LOXL2: variants seen among roughly 807,000 people sequenced by gnomAD.
The protein encoded by LOXL2 is lysyl oxidase homolog 2.
LOXL2 carries 70 observed loss-of-function variants against 93.0 expected under a neutral mutation model. That is an observed-to-expected ratio of 0.75 (90% CI 0.62 to 0.92). The LOEUF (loss-of-function observed/expected upper bound fraction) is 0.92, where lower values mean the gene tolerates loss of function less well. Among genes scored for constraint, LOXL2 ranks in the 40% least tolerant of loss-of-function variants. The pLI, the probability that LOXL2 is intolerant of heterozygous loss-of-function variation, is 0.00. For synonymous variants in LOXL2, 438 were observed against 413.2 expected (o/e 1.06, Z -0.73); for missense variants, 973 against 1,054.9 (o/e 0.92, Z 1.08).
chr8:23,384,845 C>T (rs1804734516), intron 1 of LOXL2, among the ~76,000 whole-genome samples: 1 of 151,952 alleles, frequency 6.6e-6, no homozygotes. Flanking sequence ...ACCCAGGAGG[C>T]AGAGGTTGCA....
chr8:23,355,609 CTTT>C (rs1347524759), intron 3 of LOXL2, among the ~76,000 whole-genome samples: 7 of 82,228 alleles, frequency 8.5e-5, no homozygotes, highest in Admixed American at 3.2e-4. Context: ...AAGATTTGTT[CTTT>C]TTTTTTTTTT....
intron 4 of LOXL2, among the ~76,000 whole-genome samples, chr8:23,334,506 G>A (rs148754046): frequency 6.6e-6 from 1 of 152,328 alleles, no homozygotes; most frequent in African/African-American, 2.4e-5. Context: ...CCTAGCAATA[G>A]AAATTATAAT....
intron 3 of LOXL2, among the ~76,000 whole-genome samples, chr8:23,343,016 G>T (rs1803909206): frequency 6.6e-6 from 1 of 152,170 alleles, no homozygotes; most frequent in Non-Finnish European, 1.5e-5. Context: ...CTCCCAAAGT[G>T]CTGGAATTAC....
In LOXL2 at chr8:23,360,223, G is replaced by A. The variant is rs375227524; in HGVS notation, c.398C>T (p.Ala133Val). 74 of 1,613,702 alleles carry A rather than the reference G, an allele frequency of 4.6e-5. No individual in the cohort carries two copies. The highest frequency in any genetic ancestry group is 5.5e-5 in the Non-Finnish European group (65 of 1,179,840). Reference protein sequence around the residue: ...LDNLHCTGNEATLAACTSNGW... With the variant: ...LDNLHCTGNEVTLAACTSNGW... ...ATTGGAGGTGCATGCTGCAAGGGTCGCCTCGTTGCCAGTACAGTGGAGATT... is the reference window on the plus strand; with the variant it reads ...ATTGGAGGTGCATGCTGCAAGGGTCACCTCGTTGCCAGTACAGTGGAGATT... The change falls in exon 3 of 14, where the codon GCG becomes GTG. Residue 133 changes from alanine (A) to valine (V), a missense_variant. Coordinates refer to ENST00000389131, the MANE Select transcript of LOXL2 (RefSeq NM_002318.3).
intron 8 of LOXL2, among the ~76,000 whole-genome samples, chr8:23,318,214 G>C (rs1461544340): frequency 6.6e-6 from 1 of 150,376 alleles, no homozygotes; most frequent in African/African-American, 2.4e-5. Flanking sequence ...GCCTCCCAAG[G>C]AAGAAGCCAT....
chr8:23,302,612 C>T (rs766081425), intron 11 of LOXL2, among the ~76,000 whole-genome samples: 25 of 152,226 alleles, frequency 1.6e-4, no homozygotes, highest in African/African-American at 3.4e-4. Flanking sequence ...CAACACCTGT[C>T]TGCTGTGTGA....
At chr8:23,316,822 T>G in intron 9 of LOXL2, 127 bp downstream of exon 9, 1 of 990,998 alleles carries the variant, frequency 1.0e-6, no homozygotes, top group Non-Finnish European at 1.4e-6. Flanking sequence ...TTTTTCTCCC[T>G]TAGGATTTCA....
chr8:23,377,051 T>C (rs1309845717), intron 1 of LOXL2, among the ~76,000 whole-genome samples: 1 of 152,230 alleles, frequency 6.6e-6, no homozygotes, highest in Non-Finnish European at 1.5e-5. Flanking sequence ...ATTTTAGATC[T>C]TTCCTGCTTT....
chr8:23,302,502 G>A (rs555363444), intron 11 of LOXL2, among the ~76,000 whole-genome samples: 6 of 152,040 alleles, frequency 3.9e-5, no homozygotes, highest in South Asian at 2.1e-4. Flanking sequence ...TTAGCAAAAC[G>A]TGGGGGGTCA....
chr8:23,310,138 G>A (rs1424669961), intron 9 of LOXL2, among the ~76,000 whole-genome samples: 1 of 152,218 alleles, frequency 6.6e-6, no homozygotes, highest in Non-Finnish European at 1.5e-5. Context: ...AGATGAGCGA[G>A]ATGTTAAAAT....
intron 2 of LOXL2, among the ~76,000 whole-genome samples, chr8:23,367,134 C>T (rs955751176): frequency 2.0e-5 from 3 of 152,150 alleles, no homozygotes; most frequent in Non-Finnish European, 4.4e-5. Flanking sequence ...CTGCAGCCTC[C>T]GCCTCCCGGG....
At chr8:23,303,470 G>T (rs1803174772) in intron 10 of LOXL2, 73 bp from the exon 11 acceptor site, 1 of 873,552 alleles carries the variant, frequency 1.1e-6, no homozygotes, top group Non-Finnish European at 1.9e-6. Flanking sequence ...GGCCTGGCTG[G>T]CGATTTGCCT....
At chr8:23,300,442 G>A (rs565351560) in intron 12 of LOXL2, among the ~76,000 whole-genome samples, 11 of 152,256 alleles carry the variant, frequency 7.2e-5, no homozygotes, top group East Asian at 3.9e-4. Context: ...CTGCGTGGAC[G>A]GTCACTTCCT....
Position 23,298,891 on chromosome 8 carries a change from C to T in LOXL2, c.2190G>A (p.Met730Ile). ...GGCCGTCATAGCGGCTCCTGCATTT[C>T]ATGATGTTGTTGGAGTAATCGGATT... is the stretch of plus-strand genomic sequence containing the variant. ...VAESDYSNNI[M>I]KCRSRYDGHR... Residue 730 changes from methionine (M) to isoleucine (I), a missense_variant, in exon 13 of 14, where the codon ATG (methionine) becomes ATA (isoleucine). By Grantham distance (10) the Met-to-Ile change is conservative. Coordinates refer to ENST00000389131, the MANE Select transcript of LOXL2 (RefSeq NM_002318.3). The T allele has an allele frequency of 6.2e-7, 1 of 1,614,040 alleles. No individual in the cohort carries two copies. The highest frequency in any genetic ancestry group is 8.5e-7 in the Non-Finnish European group (1 of 1,179,950).
intron 3 of LOXL2, among the ~76,000 whole-genome samples, chr8:23,343,499 C>T (rs1046023668): frequency 6.6e-6 from 1 of 152,182 alleles, no homozygotes; most frequent in South Asian, 2.1e-4. Flanking sequence ...CCCAGCACCC[C>T]GACTGCCCCA....
intron 9 of LOXL2, among the ~76,000 whole-genome samples, chr8:23,316,531 T>C (rs10100452): frequency 0.85 from 129,151 of 152,066 alleles, 55,175 homozygotes; most frequent in African/African-American, 0.93. Flanking sequence ...CCCAGCGAAC[T>C]ACCGGGCAGC....
intron 9 of LOXL2, among the ~76,000 whole-genome samples, chr8:23,314,291 G>A (rs1198431382): frequency 7.0e-6 from 1 of 142,356 alleles, no homozygotes; most frequent in Non-Finnish European, 1.5e-5. Flanking sequence ...TCCCATTACT[G>A]GGTATATACC....
At chr8:23,357,188 G>C (rs1390950851) in intron 3 of LOXL2, among the ~76,000 whole-genome samples, 1 of 151,930 alleles carries the variant, frequency 6.6e-6, no homozygotes, top group Non-Finnish European at 1.5e-5. Context: ...TCCTGCCTCA[G>C]CCTCCTGAGT....
chr8:23,384,607 G>C (rs1285042860), intron 1 of LOXL2, among the ~76,000 whole-genome samples: 1 of 152,172 alleles, frequency 6.6e-6, no homozygotes, highest in African/African-American at 2.4e-5. Flanking sequence ...AAGGCAGAAG[G>C]AGGGAGTAAC....
Sources: gnomAD v4.1 joint callset for allele counts (sites outside exome capture counted in the v4.1 genomes callset) on GRCh38, gnomAD v4.1.1 for gene constraint, MANE v1.5 for transcripts, NCBI Gene and HGNC (gene_info 2026-07-23, HGNC 2026-07-21) for gene names.